The following ZNF618 variants were observed in gnomAD, a reference collection of about 807,000 sequenced individuals.
ZNF618 encodes zinc finger protein 618.
In ZNF618, 34 loss-of-function variants were observed where a neutral mutation model predicts 103.0. The observed-to-expected ratio is 0.33, with a 90% CI of 0.25 to 0.44. ZNF618 has a LOEUF of 0.44. Among genes scored for constraint, ZNF618 ranks in the 20% least tolerant of loss-of-function variants. ZNF618 has a pLI of 1.00. For synonymous variants in ZNF618, 551 were observed against 542.2 expected, an observed-to-expected ratio of 1.02 and a Z score of -0.23; for missense variants, 1,059 against 1,295.4, an observed-to-expected ratio of 0.82 and a Z score of 2.80.
At chr9:114,000,174 A>G (rs1841039128) in intron 4 of ZNF618, among the ~76,000 whole-genome samples, 1 of 152,180 alleles carries the variant, frequency 6.6e-6, no homozygotes, top group Non-Finnish European at 1.5e-5. Context: ...AGTGACCCAC[A>G]GTAGTACCAG....
chr9:113,891,299 C>G (rs972424256), intron 1 of ZNF618, among the ~76,000 whole-genome samples: 1 of 152,010 alleles, frequency 6.6e-6, no homozygotes, highest in Non-Finnish European at 1.5e-5. Context: ...TATAAATCAA[C>G]AACAACAAAA....
At chr9:113,974,834 C>T (rs1838335581) in intron 2 of ZNF618, among the ~76,000 whole-genome samples, 1 of 152,190 alleles carries the variant, frequency 6.6e-6, no homozygotes, top group African/African-American at 2.4e-5. Context: ...AGAGCCCAGA[C>T]TGCCTGGATT....
chr9:114,054,197 C>T lies in ZNF618; in HGVS notation c.*4030C>T, dbSNP rs1846313061. On this transcript the variant is annotated 3_prime_UTR_variant, in exon 15 of 15. Transcript: ENST00000374126. ...TATTTGAGCAAGGCCACCTGCTTCC[C>T]CTGGACTTGAGCTGGACTCCTTGAA... 6.6e-6 allele frequency: 1 copy of T among 152,558 alleles called. No homozygotes were observed. Among genetic ancestry groups the T allele is most frequent in the Non-Finnish European group, 1.5e-5 (1 of 68,056 alleles). 9.5% of individuals were successfully genotyped at this position (152,558 alleles called of 1,614,324 possible).
chr9:113,879,115 T>C lies in ZNF618; in HGVS notation c.33+2702T>C, dbSNP rs373191724. 3.3e-5 allele frequency among the ~76,000 whole-genome samples: 5 copies of C among 151,018 alleles called. No homozygotes were observed. In the East Asian group the frequency reaches 9.7e-4, roughly 29 times the overall value. The stretch of plus-strand genomic sequence containing the variant: ...TAATTTCCAAGGGGCTTTGGAGGCC[T>C]CATGAGGCAGAAGGCCTGAGTTTAG... On this transcript the variant is annotated intron_variant, in intron 1 of 14. Transcript: ENST00000374126.
chr9:113,903,781 G>A (rs1830748397), intron 1 of ZNF618, among the ~76,000 whole-genome samples: 1 of 152,048 alleles, frequency 6.6e-6, no homozygotes, highest in South Asian at 2.1e-4. Flanking sequence ...GCTTGTTTCT[G>A]ATGGAAAGTT....
rs375217639 is a variant in ZNF618, at chr9:113,983,253, A to T, written c.78-5068A>T. ...GATATATGAAAAAAAAATTTTAAAG[A>T]AGTTAGAAGGAGCTGCGCCACTAAC... On this transcript the variant is annotated intron_variant, in intron 2 of 14. Coordinates refer to ENST00000374126, the MANE Select transcript of ZNF618 (RefSeq NM_001318042.2). Among the ~76,000 whole-genome samples the T allele has an allele frequency of 5.3e-5, 8 of 152,332 alleles. No homozygotes were observed. In the East Asian group the frequency reaches 1.3e-3, roughly 26 times the overall value.
intron 1 of ZNF618, among the ~76,000 whole-genome samples, chr9:113,947,462 A>G (rs772380193): frequency 3.9e-5 from 6 of 152,166 alleles, no homozygotes; most frequent in African/African-American, 1.2e-4. Flanking sequence ...TCCTCCTGCT[A>G]ACATGTTCCT....
intron 1 of ZNF618, among the ~76,000 whole-genome samples, chr9:113,924,134 C>T (rs1448409854): frequency 6.6e-6 from 1 of 152,036 alleles, no homozygotes; most frequent in Non-Finnish European, 1.5e-5. Context: ...CAATTCACCA[C>T]TTGGACTTAG....
intron 1 of ZNF618, among the ~76,000 whole-genome samples, chr9:113,943,211 C>T (rs1834706027): frequency 6.6e-6 from 1 of 152,158 alleles, no homozygotes; most frequent in Non-Finnish European, 1.5e-5. Context: ...TCCAGTGGCT[C>T]AGAGCAGGCA....
In ZNF618 at chr9:114,028,556, T is replaced by C. The variant is rs918226383; in HGVS notation, c.845-177T>C. On this transcript the variant is annotated intron_variant, in intron 10 of 14. Coordinates refer to ENST00000374126, the MANE Select transcript of ZNF618 (RefSeq NM_001318042.2). Reference sequence around the variant, plus strand: ...AACTAAGCGTGAGCTGACAGAAGGTTCCAGACTCCTGGACTTTCTCTGGCT... The same window carrying C: ...AACTAAGCGTGAGCTGACAGAAGGTCCCAGACTCCTGGACTTTCTCTGGCT... The C allele has an allele frequency of 8.2e-6, 8 of 981,118 alleles. No individual in the cohort carries two copies. The African/African-American group carries it at 1.2e-4, about 14-fold the overall frequency. The allele number at this position is 981,118 out of a possible 1,614,324, so 60.8% of individuals were successfully genotyped here.
chr9:113,952,669 C>T (rs968355723), intron 1 of ZNF618, among the ~76,000 whole-genome samples: 18 of 152,206 alleles, frequency 1.2e-4, no homozygotes, highest in African/African-American at 4.1e-4. Context: ...CTCTCTGAAA[C>T]TTATTTTTTT....
chr9:113,937,977 GTTC>G (rs1238187966), intron 1 of ZNF618, among the ~76,000 whole-genome samples: 3 of 152,010 alleles, frequency 2.0e-5, no homozygotes, highest in Admixed American at 6.5e-5. Flanking sequence ...CTAAAAATCT[GTTC>G]TTCTACATGA....
chr9:113,885,126 C>T (rs1187122692), intron 1 of ZNF618, among the ~76,000 whole-genome samples: 1 of 152,124 alleles, frequency 6.6e-6, no homozygotes, highest in Non-Finnish European at 1.5e-5. Context: ...TGTGGCTAGG[C>T]AGCTGGATTG....
Position 114,028,898 on chromosome 9 carries a change from G to T in ZNF618, c.1010G>T (p.Arg337Leu). ...SVVRCATLLH[R>L]TPPATQTQTF... ...GTCCGATGTGCCACCCTCTTACACC[G>T]CACCCCTCCAGCCACCCAAACCCAG... Residue 337 changes from arginine to leucine, a missense_variant, in exon 11 of 15, where the codon CGC becomes CTC. By Grantham distance (102) the Arg-to-Leu change is moderately radical (BLOSUM62 -2). Transcript: ENST00000374126. 6.4e-7 allele frequency: 1 copy of T among 1,550,418 alleles called. No homozygotes were observed. The highest frequency in any genetic ancestry group is 8.7e-7 in the Non-Finnish European group (1 of 1,146,770).
chr9:113,963,385 A>C lies in ZNF618; in HGVS notation c.34-5732A>C, dbSNP rs115150417. 1.0e-3 allele frequency among the ~76,000 whole-genome samples: 153 copies of C among 152,366 alleles called. 1 individual carries two copies. The highest frequency in any genetic ancestry group is 3.2e-3 in the African/African-American group (132 of 41,588). ...CGTATGTATTTGGTAGTTTGAATGT[A>C]ATATTCAAATGTATTGGTAAGAATT... is the stretch of plus-strand genomic sequence containing the variant. On this transcript the variant is annotated intron_variant, in intron 1 of 14. Coordinates refer to ENST00000374126, the MANE Select transcript of ZNF618 (RefSeq NM_001318042.2).
At position 114,053,263 on chromosome 9, in the gene ZNF618, G is replaced by A. The variant is rs1846243896; in HGVS notation, c.*3096G>A. Reference sequence around the variant, plus strand: ...AATTCTAGTTCAGCCAAAGGATTGAGACAGGCTCTTCCAGTTCATCTCCTG... The same window carrying A: ...AATTCTAGTTCAGCCAAAGGATTGAAACAGGCTCTTCCAGTTCATCTCCTG... On this transcript the variant is annotated 3_prime_UTR_variant, in exon 15 of 15. Transcript: ENST00000374126. 1 of 152,438 alleles carries A rather than the reference G, an allele frequency of 6.6e-6. No individual in the cohort carries two copies. The highest frequency in any genetic ancestry group is 1.5e-5 in the Non-Finnish European group (1 of 68,064). The allele number at this position is 152,438 out of a possible 1,614,324, so 9.4% of individuals were successfully genotyped here.
chr9:113,881,926 G>A (rs1305114700), intron 1 of ZNF618, among the ~76,000 whole-genome samples: 3 of 152,246 alleles, frequency 2.0e-5, no homozygotes, highest in Non-Finnish European at 4.4e-5. Flanking sequence ...ACTCCGGGAT[G>A]ATGTGTTGCA....
At chr9:114,044,783 G>GT (rs200002023) in intron 13 of ZNF618, among the ~76,000 whole-genome samples, 2,551 of 151,416 alleles carry the variant, frequency 0.017, 73 homozygotes, top group African/African-American at 0.058. Context: ...TTCCTAAGTT[G>GT]TTTTTTTTGT....
chr9:113,877,891 A>T (rs929132829), intron 1 of ZNF618, among the ~76,000 whole-genome samples: 12 of 152,176 alleles, frequency 7.9e-5, no homozygotes, highest in African/African-American at 2.9e-4. Context: ...CATTATTATG[A>T]AAAAACTAAC....
Sources: gnomAD v4.1 joint callset for allele counts (sites outside exome capture counted in the v4.1 genomes callset) on GRCh38, gnomAD v4.1.1 for gene constraint, MANE v1.5 for transcripts, NCBI Gene and HGNC (gene_info 2026-07-23, HGNC 2026-07-21) for gene names.